OFD1: variants seen among roughly 807,000 people sequenced by gnomAD.
OFD1 encodes OFD1 centriole and centriolar satellite protein.
A neutral mutation model predicts 81.4 loss-of-function variants in OFD1; 12 were observed. The observed-to-expected ratio is 0.15, with a 90% CI of 0.09 to 0.24. The LOEUF is 0.24. OFD1 is among the 10% of genes least tolerant of loss of function. The pLI is 1.00. For synonymous variants in OFD1, 256 were observed against 263.7 expected, an observed-to-expected ratio of 0.97 and a Z score of 0.28; for missense variants, 685 against 733.9, an observed-to-expected ratio of 0.93 and a Z score of 0.77.
At chrX:13,724,355 A>G in the OFD1 span, among the ~76,000 whole-genome samples, 3 of 107,829 alleles carry the variant, frequency 2.8e-5, no homozygotes, top group East Asian at 8.7e-4. Context: ...GGCTAGCATC[A>G]GAAGGGCAAA....
In OFD1 at chrX:13,758,386, C is replaced by T; in HGVS notation, c.1592C>T (p.Ser531Phe). 1 of 1,208,171 alleles carries T rather than the reference C, an allele frequency of 8.3e-7. No homozygotes were observed. ...GCCCAGATTCTAGGTTACAAAGCTT[C>T]TGTAAAGAGTTTAACTACTCAGGTT... ...LKAQILGYKA[S>F]VKSLTTQVAD... The change falls in exon 15 of 23, where the codon TCT becomes TTT. Residue 531 changes from serine to phenylalanine, a missense_variant. Ser to Phe is a radical substitution (Grantham distance 155, BLOSUM62 -2). This residue lies in a region of OFD1 where 414 missense variants were observed against 447.2 expected (regional missense o/e 0.93). Coordinates refer to ENST00000340096, the MANE Select transcript of OFD1 (RefSeq NM_003611.3).
chrX:13,747,393 G>A (rs761381063), intron 8 of OFD1, among the ~76,000 whole-genome samples: 5 of 111,839 alleles, frequency 4.5e-5, no homozygotes, highest in African/African-American at 6.5e-5. Context: ...CCAGGTGCTT[G>A]TAAGTGAGTT....
chrX:13,757,550 G>A, intron 13 of OFD1, 110 bp from the exon 14 acceptor site: 17 of 819,092 alleles, frequency 2.1e-5, no homozygotes, highest in Non-Finnish European at 3.0e-5. Flanking sequence ...TATTGAGTCA[G>A]TACAAAGCAA....
the OFD1 span, among the ~76,000 whole-genome samples, chrX:13,723,328 C>T: frequency 1.2e-4 from 13 of 109,674 alleles, no homozygotes; most frequent in Admixed American, 7.8e-4. Context: ...CCACCATGCC[C>T]GGCTAATTTT....
At chrX:13,731,661 G>A (rs7065102), upstream of OFD1, among the ~76,000 whole-genome samples, 41,090 of 110,110 alleles carry the variant, frequency 0.37, 6,316 homozygotes, top group African/African-American at 0.55. Flanking sequence ...CAGGGACCCA[G>A]AAAGCACTCA....
Position 13,750,118 on chromosome X carries a change from A to G in OFD1, c.935+585A>G, listed in dbSNP as rs1197322493. Among the ~76,000 whole-genome samples the G allele has an allele frequency of 1.8e-5, 2 of 112,256 alleles. 1 individual carries two copies. The highest frequency in any genetic ancestry group is 6.5e-5 in the African/African-American group (2 of 30,868). ...ATTGACACCCATAGATACTCCAGGA[A>G]TCTTAGTTCATTAAAGAATTTGGCT... On this transcript the variant is annotated intron_variant, in intron 9 of 22. Coordinates refer to ENST00000340096, the MANE Select transcript of OFD1 (RefSeq NM_003611.3).
chrX:13,731,616 C>G (rs779566001), upstream of OFD1, among the ~76,000 whole-genome samples: 4 of 111,732 alleles, frequency 3.6e-5, no homozygotes, highest in Non-Finnish European at 5.6e-5. Flanking sequence ...CCATTCGTCT[C>G]ATTCACTATG....
intron 5 of OFD1, 189 bp downstream of exon 5, chrX:13,739,221 A>G: frequency 4.7e-6 from 2 of 427,011 alleles, no homozygotes; most frequent in South Asian, 4.1e-5. Context: ...AAAAAACTGT[A>G]GACAGTATCA....
At chrX:13,739,296 C>CAAAAA in intron 5 of OFD1, 4 of 111,384 alleles carry the variant, frequency 3.6e-5, no homozygotes, top group Admixed American at 1.5e-4. Flanking sequence ...AATATTTCTG[C>CAAAAA]AAAAAAAAAA....
At chrX:13,718,284 G>A in the OFD1 span, among the ~76,000 whole-genome samples, 1 of 113,303 alleles carries the variant, frequency 8.8e-6, no homozygotes, top group African/African-American at 3.2e-5. Flanking sequence ...CATAGTTAAA[G>A]CATGTTTTAC....
chrX:13,773,125 G>A (rs777038389), downstream of OFD1: 91 of 743,384 alleles, frequency 1.2e-4, no homozygotes, highest in Middle Eastern at 2.3e-3. Flanking sequence ...TTAAAGGGGC[G>A]AAGGTTAATT....
At chrX:13,743,271 A>G (rs2047176028) in intron 5 of OFD1, among the ~76,000 whole-genome samples, 1 of 112,828 alleles carries the variant, frequency 8.9e-6, no homozygotes, top group Non-Finnish European at 1.9e-5. Flanking sequence ...AATTGGGATT[A>G]TATCGTAGAT....
At chrX:13,750,897 T>C (rs1470461482) in intron 9 of OFD1, among the ~76,000 whole-genome samples, 2 of 112,834 alleles carry the variant, frequency 1.8e-5, no homozygotes. Flanking sequence ...TAAGTACACT[T>C]ATTTGTTACT....
chrX:13,768,261 G>A (rs1360076365), intron 21 of OFD1, 37 bp downstream of exon 21: 3 of 1,032,356 alleles, frequency 2.9e-6, no homozygotes, highest in Non-Finnish European at 4.1e-6. Flanking sequence ...TGTGGGTGGG[G>A]GACATCCAGG....
Position 13,756,638 on chromosome X carries a change from A to G in OFD1, c.1282A>G (p.Asn428Asp). The G allele has an allele frequency of 8.3e-7, 1 of 1,204,902 alleles. No homozygotes were observed. The highest frequency in any genetic ancestry group is 1.8e-5 in the South Asian group (1 of 55,953). ...LAITKQNHML[N>D]EKVKEMSDYS... ...AATAACAAAACAAAACCATATGCTG[A>G]ATGAAAAGGTTAAAGAGATGAGTGA... The change falls in exon 13 of 23, where the codon AAT (asparagine) becomes GAT (aspartate). Residue 428 changes from asparagine to aspartate, a missense_variant. By Grantham distance (23) the Asn-to-Asp change is conservative. Around this residue, in one of 3 missense-constraint regions of OFD1, gnomAD observed 414 missense variants for 447.2 expected, o/e 0.93. Transcript: ENST00000340096.
Position 13,734,982 on chromosome X carries a change from C to G in OFD1, c.-90C>G. 1 of 1,156,396 alleles carries G rather than the reference C, an allele frequency of 8.6e-7. No individual in the cohort carries two copies. Among genetic ancestry groups the G allele is most frequent in the Non-Finnish European group, 1.1e-6 (1 of 872,211 alleles). ...GCAGGGTTCTGAGGGCAGGGATTCCCCCTCGTCTTGGCCCCACCGCCCGGG... is the reference window on the plus strand; with the variant it reads ...GCAGGGTTCTGAGGGCAGGGATTCCGCCTCGTCTTGGCCCCACCGCCCGGG... On this transcript the variant is annotated 5_prime_UTR_variant, in exon 1 of 23. Coordinates refer to ENST00000340096, the MANE Select transcript of OFD1 (RefSeq NM_003611.3).
upstream of OFD1, among the ~76,000 whole-genome samples, chrX:13,729,906 C>G (rs1330120156): frequency 1.8e-5 from 2 of 110,852 alleles, no homozygotes; most frequent in Non-Finnish European, 3.8e-5. Context: ...GAAACTTCGT[C>G]TCAAAAAACA....
downstream of OFD1, chrX:13,773,038 A>G: frequency 8.3e-7 from 1 of 1,206,965 alleles, no homozygotes; most frequent in Non-Finnish European, 1.1e-6. Context: ...GATCTGGAAG[A>G]GAAGGGTGAG....
In OFD1 at chrX:13,767,221, G is replaced by C. The variant is rs2048163178; in HGVS notation, c.2694G>C (p.Gln898His). The change falls in exon 20 of 23, where the codon CAG becomes CAC. Residue 898 changes from glutamine (Q) to histidine (H), a missense_variant. Coordinates refer to ENST00000340096, the MANE Select transcript of OFD1 (RefSeq NM_003611.3). Reference sequence around the variant, plus strand: ...GAAGGCAGAGAGAAGAAAGAAGGCAGAGTAACCTACAAGAAGTTTTAGAAA... The same window carrying C: ...GAAGGCAGAGAGAAGAAAGAAGGCACAGTAACCTACAAGAAGTTTTAGAAA... ...KERRQREERR[Q>H]SNLQEVLERE... 1 of 1,210,774 alleles carries C rather than the reference G, an allele frequency of 8.3e-7. No homozygotes were observed. The highest frequency in any genetic ancestry group is 1.7e-5 in the African/African-American group (1 of 57,856).
Sources: gnomAD v4.1 joint callset for allele counts (sites outside exome capture counted in the v4.1 genomes callset) on GRCh38, gnomAD v4.1.1 for gene constraint, gnomAD v4.1.1 regional missense constraint, MANE v1.5 for transcripts, NCBI Gene and HGNC (gene_info 2026-07-23, HGNC 2026-07-21) for gene names.